MYL7: variants seen among roughly 807,000 people sequenced by gnomAD.
MYL7 encodes myosin regulatory light chain 2, atrial isoform.
MYL7 carries 27 observed loss-of-function variants against 22.5 expected under a neutral mutation model. The ratio of observed to expected loss-of-function variants is 1.20; its 90% CI spans 0.89 to 1.66. The LOEUF (loss-of-function observed/expected upper bound fraction) is 1.66, where lower values mean the gene tolerates loss of function less well. Among genes scored for constraint, MYL7 ranks in the 40% most tolerant of loss-of-function variants. The pLI is 0.00. For missense variants in MYL7, 209 were observed against 226.8 expected, an observed-to-expected ratio of 0.92 and a Z score of 0.50; for synonymous variants, 81 against 84.4, an observed-to-expected ratio of 0.96 and a Z score of 0.22.
At chr7:44,139,911 T>C (rs1042041533) in intron 4 of MYL7, 51 bp from the exon 5 acceptor site, 7 of 1,534,652 alleles carry the variant, frequency 4.6e-6, no homozygotes, top group Non-Finnish European at 5.3e-6. Context: ...GCATCCCAGG[T>C]CCCCCGCAGG....
chr7:44,139,995 C>G, intron 4 of MYL7, 135 bp from the exon 5 acceptor site: 1 of 828,718 alleles, frequency 1.2e-6, no homozygotes, highest in Non-Finnish European at 1.8e-6. Flanking sequence ...AAATGTTTCT[C>G]GGGGATCAGT....
chr7:44,140,432 T>C lies in MYL7; in HGVS notation c.194-5A>G. The C allele has an allele frequency of 1.2e-6, 2 of 1,611,664 alleles. No homozygotes were observed. Among genetic ancestry groups the C allele is most frequent in the Non-Finnish European group, 1.7e-6 (2 of 1,178,486 alleles). ...CCTCTGGGACACTCACCTTCCCTGG[T>C]GGGGGTGGGGCATGAGGTGCACACA... is the stretch of plus-strand genomic sequence containing the variant. On this transcript the variant is annotated splice_region_variant and splice_polypyrimidine_tract_variant and intron_variant, in intron 3 of 6. Coordinates refer to ENST00000223364, the MANE Select transcript of MYL7 (RefSeq NM_021223.3).
Position 44,139,999 on chromosome 7 carries a change from G to C in MYL7, c.299-139C>G. On this transcript the variant is annotated intron_variant, in intron 4 of 6. Transcript: ENST00000223364. Reference sequence around the variant, plus strand: ...TCCCTAACATAAAATGTTTCTCGGGGATCAGTGGGGCTGGGAATGGTCATC... The same window carrying C: ...TCCCTAACATAAAATGTTTCTCGGGCATCAGTGGGGCTGGGAATGGTCATC... 8 of 799,430 alleles carry C rather than the reference G, an allele frequency of 1.0e-5. No individual in the cohort carries two copies. In the South Asian group the frequency reaches 1.5e-4, roughly 15 times the overall value. 49.5% of individuals were successfully genotyped at this position (799,430 alleles called of 1,614,324 possible).
chr7:44,139,119 A>G, intron 6 of MYL7, 97 bp from the exon 7 acceptor site: 1 of 904,016 alleles, frequency 1.1e-6, no homozygotes, highest in Non-Finnish European at 1.8e-6. Flanking sequence ...TGCCCCCTGC[A>G]TCTGTGCTTT....
At chr7:44,140,495 T>C (rs923665849) in intron 3 of MYL7, 68 bp from the exon 4 acceptor site, 13 of 1,402,332 alleles carry the variant, frequency 9.3e-6, no homozygotes, top group Non-Finnish European at 1.3e-5. Flanking sequence ...CAGGCCGCCC[T>C]CCCTCCATCC....
intron 3 of MYL7, 114 bp downstream of exon 3, chr7:44,140,582 AAGGGCAGTGTGAGGAG>A: frequency 8.7e-7 from 1 of 1,148,100 alleles, no homozygotes; most frequent in South Asian, 1.5e-5. Context: ...ACAAGGGGGG[AAGGGCAGTGTGAGGAG>A]ACGGGGAGGA....
In MYL7 at chr7:44,139,861, C is replaced by A. The variant is rs1409980548; in HGVS notation, c.299-1G>T. On this transcript the variant is annotated splice_acceptor_variant, in intron 4 of 6. Transcript: ENST00000223364. LOFTEE classifies it high-confidence loss of function. Reference sequence around the variant, plus strand: ...AGGATGGCTTCCTCGGGGTCTGTCCCTGGAAGGCCGAGGCAGCCAGGTGAG... The same window carrying A: ...AGGATGGCTTCCTCGGGGTCTGTCCATGGAAGGCCGAGGCAGCCAGGTGAG... 6.2e-7 allele frequency: 1 copy of A among 1,600,226 alleles called. No individual in the cohort carries two copies. The highest frequency in any genetic ancestry group is 1.3e-5 in the African/African-American group (1 of 74,140).
At chr7:44,140,283 C>T (rs757342607) in intron 4 of MYL7, 40 bp downstream of exon 4, 3 of 1,573,400 alleles carry the variant, frequency 1.9e-6, no homozygotes, top group African/African-American at 2.7e-5. Context: ...GTGCAGGCTC[C>T]CTGCCTGGCC....
intron 6 of MYL7, 92 bp from the exon 7 acceptor site, chr7:44,139,114 C>T (rs2096262082): frequency 1.1e-6 from 1 of 936,944 alleles, no homozygotes; most frequent in Non-Finnish European, 1.7e-6. Context: ...CTGTCTGCCC[C>T]CTGCATCTGT....
chr7:44,139,274 G>C, intron 6 of MYL7: 1 of 654,038 alleles, frequency 1.5e-6, no homozygotes, highest in Non-Finnish European at 2.7e-6. Context: ...CCCACCCCGA[G>C]TGTACGAAAC....
intron 6 of MYL7, 39 bp downstream of exon 6, chr7:44,139,482 G>T: frequency 6.2e-7 from 1 of 1,606,766 alleles, no homozygotes. Flanking sequence ...CCCAGAGAAG[G>T]TGCTGGGGAT....
At chr7:44,141,172 C>A in intron 1 of MYL7, 98 bp from the exon 2 acceptor site, 1 of 1,573,438 alleles carries the variant, frequency 6.4e-7, no homozygotes, top group Non-Finnish European at 8.7e-7. Context: ...CCAGGAGAGC[C>A]AGGGCCAGGA....
chr7:44,139,655 G>C lies in MYL7; in HGVS notation c.378-86C>G, dbSNP rs906049804. On this transcript the variant is annotated intron_variant, in intron 5 of 6. Coordinates refer to ENST00000223364, the MANE Select transcript of MYL7 (RefSeq NM_021223.3). ...GGTACGGAGGCTCCCATGGCGCAGG[G>C]AAGGGTTGGCTGCACCCCAAAGAGC... The C allele has an allele frequency of 4.0e-5, 62 of 1,569,212 alleles. No homozygotes were observed. The African/African-American group carries it at 8.2e-4, about 21-fold the overall frequency.
intron 4 of MYL7, 86 bp downstream of exon 4, chr7:44,140,236 TG>T: frequency 9.0e-7 from 1 of 1,113,190 alleles, no homozygotes. Context: ...AAGGTTCAGG[TG>T]GGGTTCAGGC....
chr7:44,139,859 C>A lies in MYL7; in HGVS notation c.300G>T (p.Gly100=). 1.2e-6 allele frequency: 2 copies of A among 1,600,228 alleles called. No individual in the cohort carries two copies. The highest frequency in any genetic ancestry group is 1.7e-6 in the Non-Finnish European group (2 of 1,176,700). Residue 100 remains glycine (G), a splice_region_variant and synonymous_variant, in exon 5 of 7, where the codon GGG becomes GGT. Coordinates refer to ENST00000223364, the MANE Select transcript of MYL7 (RefSeq NM_021223.3). Reference sequence around the variant, plus strand: ...TCAGGATGGCTTCCTCGGGGTCTGTCCCTGGAAGGCCGAGGCAGCCAGGTG... The same window carrying A: ...TCAGGATGGCTTCCTCGGGGTCTGTACCTGGAAGGCCGAGGCAGCCAGGTG... ...FLTLFGEKLN[G]TDPEEAILSA... is the part of the protein sequence containing the mutation.
chr7:44,140,506 TG>T, intron 3 of MYL7, 79 bp from the exon 4 acceptor site: 1 of 1,350,548 alleles, frequency 7.4e-7, no homozygotes, highest in Non-Finnish European at 1.0e-6. Flanking sequence ...CCCTCCATCC[TG>T]GCCACAGGGG....
intron 5 of MYL7, 75 bp downstream of exon 5, chr7:44,139,707 C>G: frequency 1.3e-6 from 2 of 1,577,296 alleles, no homozygotes; most frequent in Non-Finnish European, 1.7e-6. Flanking sequence ...GCACAGGCAG[C>G]CCCCCTCACT....
At chr7:44,141,126 C>T (rs368727848) in intron 1 of MYL7, 52 bp from the exon 2 acceptor site, 8 of 1,583,362 alleles carry the variant, frequency 5.1e-6, no homozygotes, top group African/African-American at 4.0e-5. Context: ...TCAGAGTCTC[C>T]CCACCCCACC....
At chr7:44,139,274 G>A (rs2096262305) in intron 6 of MYL7, 1 of 653,920 alleles carries the variant, frequency 1.5e-6, no homozygotes. Flanking sequence ...CCCACCCCGA[G>A]TGTACGAAAC....
Sources: allele counts gnomAD v4.1 joint callset, GRCh38; gene constraint gnomAD v4.1.1; transcripts MANE v1.5; gene names NCBI Gene and HGNC (gene_info 2026-07-23, HGNC 2026-07-21).